Variants in ARID3B observed in about 807,000 individuals in gnomAD.
ARID3B encodes AT-rich interaction domain 3B.
Under a neutral mutation model 51.9 loss-of-function variants are expected in ARID3B, and 10 were observed. The observed-to-expected ratio is 0.19, with a 90% CI of 0.12 to 0.33. ARID3B has a LOEUF of 0.33. Among genes scored for constraint, ARID3B ranks in the 10% least tolerant of loss-of-function variants. The pLI, the probability that ARID3B is intolerant of heterozygous loss-of-function variation, is 1.00. For missense variants in ARID3B, 483 were observed against 716.3 expected, an observed-to-expected ratio of 0.67 and a Z score of 3.72; for synonymous variants, 205 against 279.5, an observed-to-expected ratio of 0.73 and a Z score of 2.66.
intron 2 of ARID3B, among the ~76,000 whole-genome samples, chr15:74,546,515 ACT>A (rs890881829): frequency 6.6e-6 from 1 of 151,802 alleles, no homozygotes; most frequent in Admixed American, 6.6e-5. Flanking sequence ...TTAAAAAAAG[ACT>A]CTTCAGAACT....
intron 2 of ARID3B, among the ~76,000 whole-genome samples, chr15:74,546,387 G>C (rs1053266694): frequency 6.6e-6 from 1 of 152,238 alleles, no homozygotes; most frequent in African/African-American, 2.4e-5. Flanking sequence ...GCTGGCCAGC[G>C]TCTGCGTGTG....
chr15:74,578,170 T>G (rs200046833), intron 4 of ARID3B, among the ~76,000 whole-genome samples: 73 of 1,638 alleles, frequency 0.045, 1 homozygote, highest in African/African-American at 0.089. Flanking sequence ...CTTTTTTTTG[T>G]TTTTTTTTGT....
At chr15:74,546,608 C>T (rs757314253) in intron 2 of ARID3B, among the ~76,000 whole-genome samples, 4 of 152,228 alleles carry the variant, frequency 2.6e-5, no homozygotes, top group Non-Finnish European at 4.4e-5. Flanking sequence ...CCTATGACTA[C>T]GTAGCTCAGT....
At position 74,595,731 on chromosome 15, in the gene ARID3B, G is replaced by A. The variant is rs781608342; in HGVS notation, c.1640G>A (p.Arg547Gln). ...TGTTCACCAAGTCCTACCTCATCCC[G>A]GGGCACCCCCAGCGCAGAGCCCTCC... The part of the protein sequence containing the change: ...SHCSPSPTSS[R>Q]GTPSAEPSTS... Residue 547 changes from arginine to glutamine, a missense_variant, in exon 9 of 9, where the codon CGG (arginine) becomes CAG (glutamine). This residue lies in a region of ARID3B where 265 missense variants were observed against 354.4 expected (regional missense o/e 0.75). Coordinates refer to ENST00000346246, the MANE Select transcript of ARID3B (RefSeq NM_006465.4). 45 of 1,611,830 alleles carry A rather than the reference G, an allele frequency of 2.8e-5. No individual in the cohort carries two copies. Among genetic ancestry groups the A allele is most frequent in the South Asian group, 4.4e-5 (4 of 90,902 alleles).
At chr15:74,553,865 C>A (rs1171471722) in intron 2 of ARID3B, among the ~76,000 whole-genome samples, 1 of 151,392 alleles carries the variant, frequency 6.6e-6, no homozygotes, top group Non-Finnish European at 1.5e-5. Flanking sequence ...CTCTTGTTGC[C>A]CAGGCTGGAG....
chr15:74,588,585 C>A (rs118034485), intron 4 of ARID3B, among the ~76,000 whole-genome samples: 1 of 152,138 alleles, frequency 6.6e-6, no homozygotes. Flanking sequence ...CTGCCCTGGA[C>A]GGTGACCCTT....
chr15:74,566,971 T>C (rs544204157), intron 2 of ARID3B, among the ~76,000 whole-genome samples: 25 of 152,084 alleles, frequency 1.6e-4, no homozygotes, highest in Non-Finnish European at 3.7e-4. Flanking sequence ...AATCCCCCAG[T>C]TCCAATCCGA....
At chr15:74,542,041 G>A (rs2061597369) in intron 1 of ARID3B, among the ~76,000 whole-genome samples, 1 of 152,164 alleles carries the variant, frequency 6.6e-6, no homozygotes, top group South Asian at 2.1e-4. Flanking sequence ...AGAGGCTGTG[G>A]GAGGGACACC....
intron 2 of ARID3B, among the ~76,000 whole-genome samples, chr15:74,546,125 A>G (rs1381736946): frequency 6.6e-6 from 1 of 152,232 alleles, no homozygotes; most frequent in Non-Finnish European, 1.5e-5. Context: ...CCAGGGAGAT[A>G]GTGGCAGAGC....
rs535965565 is a variant in ARID3B, at chr15:74,596,688, G to A, written c.*914G>A. 6.0e-5 allele frequency: 14 copies of A among 233,634 alleles called. No individual in the cohort carries two copies. The highest frequency in any genetic ancestry group is 2.6e-4 in the African/African-American group (12 of 45,446). The allele number at this position is 233,634 out of a possible 1,614,324, so 14.5% of individuals were successfully genotyped here. On this transcript the variant is annotated 3_prime_UTR_variant, in exon 9 of 9. Coordinates refer to ENST00000346246, the MANE Select transcript of ARID3B (RefSeq NM_006465.4). Reference sequence around the variant, plus strand: ...TGGCCTCACCATCCCCACACGTGCCGATGTCAGGTTCATTGAAATACCTCA... The same window carrying A: ...TGGCCTCACCATCCCCACACGTGCCAATGTCAGGTTCATTGAAATACCTCA...
At chr15:74,585,155 G>C (rs144841811) in intron 4 of ARID3B, among the ~76,000 whole-genome samples, 159 of 152,346 alleles carry the variant, frequency 1.0e-3, no homozygotes, top group African/African-American at 3.4e-3. Context: ...AGGCATGATG[G>C]GGGTGGAGAT....
chr15:74,583,668 G>T (rs1271683274), intron 4 of ARID3B, among the ~76,000 whole-genome samples: 1 of 151,066 alleles, frequency 6.6e-6, no homozygotes, highest in East Asian at 1.9e-4. Context: ...AGCGAGCCAA[G>T]ATCACACTAC....
At chr15:74,590,697 G>A (rs1445484418) in intron 5 of ARID3B, among the ~76,000 whole-genome samples, 1 of 152,134 alleles carries the variant, frequency 6.6e-6, no homozygotes. Context: ...AACCAGAATG[G>A]CAAGGTTCTT....
Position 74,591,293 on chromosome 15 carries a change from G to A in ARID3B, c.1024G>A (p.Ala342Thr), listed in dbSNP as rs777779519. 1.4e-5 allele frequency: 23 copies of A among 1,613,400 alleles called. No individual in the cohort carries two copies. In the South Asian group the frequency reaches 2.3e-4, roughly 16 times the overall value. The change falls in exon 6 of 9, where the codon GCG becomes ACG. Residue 342 changes from alanine to threonine, a missense_variant. Physicochemically the swap from Ala to Thr is moderately conservative, Grantham distance 58 (BLOSUM62 0). Coordinates refer to ENST00000346246, the MANE Select transcript of ARID3B (RefSeq NM_006465.4). This position sits in a 1 kb window ranked among gnomAD's most constrained non-coding sequence, Gnocchi z 5.8. ...CTCCCTCTTTGGCTACTCACCTGCT[G>A]CGGCTACTGCTGCTGCCGCTGCCGG... ...SSSLFGYSPA[A>T]ATAAAAAGAP...
chr15:74,544,436 C>T lies in ARID3B; in HGVS notation c.500C>T (p.Ser167Phe), dbSNP rs760670903. ...AAAGATGCTTCCAAGGCCTCACCTT[C>T]TGTCTCCACAGCAGGACAGCCGAAC... ...HTKDASKASP[S>F]VSTAGQPNWN... Residue 167 changes from serine to phenylalanine, a missense_variant, in exon 2 of 9, where the codon TCT becomes TTT. Around this residue, in one of 3 missense-constraint regions of ARID3B, gnomAD observed 182 missense variants for 244.5 expected, o/e 0.74. Transcript: ENST00000346246. The T allele has an allele frequency of 3.1e-6, 5 of 1,614,096 alleles. No individual in the cohort carries two copies. In the Admixed American group the frequency reaches 6.7e-5, roughly 22 times the overall value.
intron 4 of ARID3B, among the ~76,000 whole-genome samples, chr15:74,578,733 A>T (rs1358902586): frequency 2.6e-5 from 4 of 151,490 alleles, no homozygotes; most frequent in Admixed American, 1.3e-4. Context: ...CAAAAAAAAC[A>T]TTTTTTTTTA....
intron 4 of ARID3B, among the ~76,000 whole-genome samples, chr15:74,583,196 C>T (rs2061768208): frequency 1.3e-5 from 2 of 150,978 alleles, no homozygotes; most frequent in Admixed American, 6.6e-5. Context: ...TGAGACTCCA[C>T]CTAAAAAAAA....
chr15:74,579,515 T>C (rs895387763), intron 4 of ARID3B, among the ~76,000 whole-genome samples: 1 of 152,198 alleles, frequency 6.6e-6, no homozygotes, highest in Non-Finnish European at 1.5e-5. Context: ...TGGAAGTTTC[T>C]ATTGTCTGTA....
chr15:74,544,854 C>T (rs1354615325), intron 2 of ARID3B, among the ~76,000 whole-genome samples: 2 of 151,968 alleles, frequency 1.3e-5, no homozygotes, highest in Admixed American at 1.3e-4. Context: ...CTATGCCTGG[C>T]TTATTTTTTG....
Sources: allele counts gnomAD v4.1 joint callset (sites outside exome capture counted in the v4.1 genomes callset), GRCh38; gene constraint gnomAD v4.1.1; regional missense constraint gnomAD v4.1.1; non-coding constraint Gnocchi (gnomAD v3.1); transcripts MANE v1.5; gene names NCBI Gene and HGNC (gene_info 2026-07-23, HGNC 2026-07-21).